The following VNN2 variants were observed in gnomAD, a reference collection of about 807,000 sequenced individuals.
VNN2 encodes the protein vanin 2, also known as pantetheine hydrolase VNN2.
Under a neutral mutation model 43.0 loss-of-function variants are expected in VNN2, and 43 were observed. The ratio of observed to expected loss-of-function variants is 1.00; its 90% CI spans 0.78 to 1.29. The LOEUF is 1.29. Among genes scored for constraint, VNN2 ranks in the 50% most tolerant of loss-of-function variants. The pLI is 0.00. For synonymous variants in VNN2, 230 were observed against 224.3 expected, an observed-to-expected ratio of 1.03 and a Z score of -0.23; for missense variants, 652 against 619.7, an observed-to-expected ratio of 1.05 and a Z score of -0.55.
chr6:132,750,493 A>AAGTGTGTATGTATATATG (rs1554217675), intron 5 of VNN2, among the ~76,000 whole-genome samples: 35 of 103,796 alleles, frequency 3.4e-4, no homozygotes, highest in African/African-American at 2.0e-3. Flanking sequence ...TATTTTGTAT[A>AAGTGTGTATGTATATATG]TGTGTATATA....
chr6:132,752,846 C>T, intron 3 of VNN2, 97 bp from the exon 4 acceptor site: 1 of 1,340,174 alleles, frequency 7.5e-7, no homozygotes, highest in Non-Finnish European at 1.0e-6. Flanking sequence ...TGGCTATGGT[C>T]AACTGCAGGG....
In VNN2 at chr6:132,751,320, G is replaced by C. The variant is rs778242271; in HGVS notation, c.1025C>G (p.Ser342Cys). The change falls in exon 5 of 7, where the codon TCC (serine) becomes TGC (cysteine). Residue 342 changes from serine to cysteine, a missense_variant. Physicochemically the swap from Ser to Cys is moderately radical, Grantham distance 112 (BLOSUM62 -1). Coordinates refer to ENST00000326499, the MANE Select transcript of VNN2 (RefSeq NM_004665.6). Reference protein sequence around the residue: ...VQKNTFRGFISRDGFNFTELF... With the variant: ...VQKNTFRGFICRDGFNFTELF... The stretch of plus-strand genomic sequence containing the variant: ...TTCTGTGAAGTTGAACCCATCCCTG[G>C]AAATAAATCCCCTGAAAGTGTTTTT... The C allele has an allele frequency of 6.2e-7, 1 of 1,614,124 alleles. No individual in the cohort carries two copies. Among genetic ancestry groups the C allele is most frequent in the Non-Finnish European group, 8.5e-7 (1 of 1,180,002 alleles).
intron 6 of VNN2, among the ~76,000 whole-genome samples, chr6:132,749,479 A>G (rs1276228243): frequency 6.6e-6 from 1 of 152,120 alleles, no homozygotes; most frequent in African/African-American, 2.4e-5. Context: ...GGCAGACACA[A>G]TGAGCCCAGC....
chr6:132,747,707 C>G (rs890007584), intron 6 of VNN2, among the ~76,000 whole-genome samples: 4 of 152,154 alleles, frequency 2.6e-5, no homozygotes, highest in Admixed American at 2.0e-4. Context: ...AACATGTATT[C>G]TCTTGTATCA....
chr6:132,757,847 A>C lies in VNN2; in HGVS notation c.37T>G (p.Phe13Val). ...CCAACCTGCAGGGTTATTAGGGCAA[A>C]AACTGCCACAGAGATTGGAAAAGAG... The part of the protein sequence containing the change: ...TSSFPISVAV[F>V]ALITLQVGTQ... Residue 13 changes from phenylalanine (F) to valine (V), a missense_variant, in exon 1 of 7, where the codon TTT (phenylalanine) becomes GTT (valine). By Grantham distance (50) the Phe-to-Val change is conservative. Coordinates refer to ENST00000326499, the MANE Select transcript of VNN2 (RefSeq NM_004665.6). 1 of 1,614,072 alleles carries C rather than the reference A, an allele frequency of 6.2e-7. No homozygotes were observed. Among genetic ancestry groups the C allele is most frequent in the Non-Finnish European group, 8.5e-7 (1 of 1,179,998 alleles).
intron 6 of VNN2, among the ~76,000 whole-genome samples, chr6:132,749,285 T>C (rs1779907325): frequency 1.3e-5 from 2 of 152,158 alleles, no homozygotes; most frequent in Non-Finnish European, 2.9e-5. Context: ...CAAGCAGAGA[T>C]TTGCAAAGAA....
chr6:132,749,887 A>G lies in VNN2; in HGVS notation c.1201-22T>C, dbSNP rs765248029. ...AGACCTATGTGGAACAAACGCAGAT[A>G]AAACGCAATGCCTTACATTGAAGTT... On this transcript the variant is annotated intron_variant, in intron 5 of 6. Transcript: ENST00000326499. The G allele has an allele frequency of 8.1e-6, 13 of 1,601,664 alleles. No homozygotes were observed. In the South Asian group the frequency reaches 1.2e-4, roughly 15 times the overall value.
At position 132,755,910 on chromosome 6, in the gene VNN2, C is replaced by G. The variant is rs1268971368; in HGVS notation, c.470G>C (p.Gly157Ala). 1 of 1,614,020 alleles carries G rather than the reference C, an allele frequency of 6.2e-7. No homozygotes were observed. Among genetic ancestry groups the G allele is most frequent in the Admixed American group, 1.7e-5 (1 of 60,010 alleles). The change falls in exon 3 of 7, where the codon GGC becomes GCC. Residue 157 changes from glycine (G) to alanine (A), a missense_variant. Gly to Ala is a moderately conservative substitution (Grantham distance 60). Coordinates refer to ENST00000326499, the MANE Select transcript of VNN2 (RefSeq NM_004665.6). ...NSRDSTCPPN[G>A]YFQYNTNVVY... is the part of the protein sequence containing the mutation. ...CACATTGGTATTGTATTGAAAGTAGCCATTAGGAGGACATGTGGAGTCACG... is the reference window on the plus strand; with the variant it reads ...CACATTGGTATTGTATTGAAAGTAGGCATTAGGAGGACATGTGGAGTCACG...
chr6:132,750,131 G>A (rs140775841), intron 5 of VNN2, among the ~76,000 whole-genome samples: 52 of 152,246 alleles, frequency 3.4e-4, no homozygotes, highest in African/African-American at 1.2e-3. Context: ...TCAGATGATG[G>A]CATCGAGCTC....
rs369978778 is a variant in VNN2 at position 132,755,828 on chromosome 6, G to A, written c.537+15C>T. On this transcript the variant is annotated intron_variant, in intron 3 of 6. Transcript: ENST00000326499. ...ACAACACGCTCCATTTTACACGTCC[G>A]TCACTCTCTCTTACCTTATGGTAAC... is the stretch of plus-strand genomic sequence containing the variant. 2.8e-5 allele frequency: 45 copies of A among 1,594,674 alleles called. No homozygotes were observed. In the Admixed American group the frequency reaches 5.2e-4, roughly 18 times the overall value.
In VNN2 at chr6:132,755,883, A is replaced by G; in HGVS notation, c.497T>C (p.Val166Ala). 1.2e-6 allele frequency: 2 copies of G among 1,613,822 alleles called. No individual in the cohort carries two copies. The highest frequency in any genetic ancestry group is 1.7e-6 in the Non-Finnish European group (2 of 1,179,962). The stretch of plus-strand genomic sequence containing the variant: ...CACGAGTTTTCCTTCTGTATTATAC[A>G]CCACATTGGTATTGTATTGAAAGTA... ...NGYFQYNTNV[V>A]YNTEGKLVAR... The change falls in exon 3 of 7, where the codon GTG becomes GCG. Residue 166 changes from valine to alanine, a missense_variant. Val to Ala is a moderately conservative substitution (Grantham distance 64, BLOSUM62 0). Transcript: ENST00000326499.
Position 132,756,011 on chromosome 6 carries a change from TG to T in VNN2, c.368del (p.Ala123GlufsTer75). The T allele has an allele frequency of 6.2e-7, 1 of 1,612,830 alleles. No individual in the cohort carries two copies. The highest frequency in any genetic ancestry group is 8.5e-7 in the Non-Finnish European group (1 of 1,179,488). ...TGTCCTTGGCCAGGCAGCTGAGTCTTGCTTGTACTGGTGTGTGACCAAATCT... is the reference window on the plus strand; with the variant it reads ...TGTCCTTGGCCAGGCAGCTGAGTCTTCTTGTACTGGTGTGTGACCAAATCT... Reference protein sequence around the residue: ...PHRFGHTPVQARLSCLAKDNS... With the variant: ...PHRFGHTPVQXRLSCLAKDNS... On this transcript the variant is annotated frameshift_variant, in exon 3 of 7. Transcript: ENST00000326499. LOFTEE classifies it high-confidence loss of function.
At chr6:132,746,362 G>T (rs1454664789) in intron 6 of VNN2, among the ~76,000 whole-genome samples, 3 of 152,174 alleles carry the variant, frequency 2.0e-5, no homozygotes, top group Non-Finnish European at 4.4e-5. Flanking sequence ...GAGAGAGTGT[G>T]CATCCATCAA....
chr6:132,750,315 A>T (rs571498647), intron 5 of VNN2, among the ~76,000 whole-genome samples: 27 of 151,998 alleles, frequency 1.8e-4, no homozygotes, highest in Admixed American at 8.5e-4. Context: ...AACATTCTAT[A>T]AAAAGTTTCA....
chr6:132,759,299 C>CGTG (rs201363052), upstream of VNN2, among the ~76,000 whole-genome samples: 2 of 151,590 alleles, frequency 1.3e-5, no homozygotes, highest in African/African-American at 4.8e-5. Context: ...AGTAGCTGGT[C>CGTG]GTGGTGGTGG....
At chr6:132,754,381 A>G (rs777733210) in intron 3 of VNN2, among the ~76,000 whole-genome samples, 1 of 152,262 alleles carries the variant, frequency 6.6e-6, no homozygotes, top group African/African-American at 2.4e-5. Flanking sequence ...TGCACTTTAT[A>G]AATACACACA....
chr6:132,756,409 A>G (rs893732636), intron 2 of VNN2, among the ~76,000 whole-genome samples: 49 of 152,204 alleles, frequency 3.2e-4, no homozygotes, highest in Non-Finnish European at 6.6e-4. Flanking sequence ...CTCTTAAAGC[A>G]AAACTCCTCA....
chr6:132,750,515 T>TATATATATATATATA (rs1359427541), intron 5 of VNN2, among the ~76,000 whole-genome samples: 2 of 97,372 alleles, frequency 2.1e-5, no homozygotes, highest in Admixed American at 1.1e-4. Context: ...ATATATATAT[T>TATATATATATATATA]TTTCCAGGTG....
At chr6:132,746,733 T>C (rs959038387) in intron 6 of VNN2, among the ~76,000 whole-genome samples, 3 of 152,178 alleles carry the variant, frequency 2.0e-5, no homozygotes, top group Non-Finnish European at 4.4e-5. Flanking sequence ...CATTTGTACT[T>C]TTGAGAGGAT....
Sources: allele counts gnomAD v4.1 joint callset (sites outside exome capture counted in the v4.1 genomes callset), GRCh38; gene constraint gnomAD v4.1.1; transcripts MANE v1.5; gene names NCBI Gene and HGNC (gene_info 2026-07-23, HGNC 2026-07-21).